Variants in SRPK2 observed in about 807,000 individuals in gnomAD.
The protein encoded by SRPK2 is SRSF protein kinase 2, also known as SFRS protein kinase 2.
Under a neutral mutation model 90.8 loss-of-function variants are expected in SRPK2, and 21 were observed. The ratio of observed to expected loss-of-function variants is 0.23; its 90% CI spans 0.16 to 0.33. The LOEUF (loss-of-function observed/expected upper bound fraction) is 0.33. SRPK2 is among the 10% of genes least tolerant of loss of function. The pLI is 1.00. For synonymous variants in SRPK2, 288 were observed against 311.1 expected, an observed-to-expected ratio of 0.93 and a Z score of 0.78; for missense variants, 620 against 869.0, an observed-to-expected ratio of 0.71 and a Z score of 3.60.
intron 2 of SRPK2, among the ~76,000 whole-genome samples, chr7:105,260,802 A>G (rs1005110560): frequency 1.5e-4 from 22 of 145,826 alleles, no homozygotes; most frequent in African/African-American, 5.5e-4. Flanking sequence ...CAAACACCAC[A>G]TGTTCTCACT....
chr7:105,168,409 T>G (rs775106185), intron 4 of SRPK2, among the ~76,000 whole-genome samples: 1 of 152,184 alleles, frequency 6.6e-6, no homozygotes, highest in African/African-American at 2.4e-5. Context: ...ATCTCCAAGA[T>G]AGGTCATTGT....
intron 2 of SRPK2, among the ~76,000 whole-genome samples, chr7:105,346,448 C>T (rs936973554): frequency 6.6e-6 from 1 of 152,072 alleles, no homozygotes; most frequent in African/African-American, 2.4e-5. Flanking sequence ...AACTGTAAGT[C>T]TCCAGCACTG....
upstream of SRPK2, among the ~76,000 whole-genome samples, chr7:105,391,183 A>AATTAATTT (rs1554534316): frequency 6.7e-6 from 1 of 148,314 alleles, no homozygotes. Context: ...ATGACTATAA[A>AATTAATTT]ATTTATTTAT....
intron 3 of SRPK2, among the ~76,000 whole-genome samples, chr7:105,171,009 GAAA>G (rs1563027437): frequency 8.1e-5 from 10 of 123,662 alleles, no homozygotes; most frequent in Non-Finnish European, 1.3e-4. Context: ...AAGAAAGAAA[GAAA>G]GAGAGGAAGG....
chr7:105,208,314 GC>G (rs1266558821), intron 2 of SRPK2, among the ~76,000 whole-genome samples: 6 of 152,008 alleles, frequency 3.9e-5, no homozygotes, highest in Admixed American at 6.6e-5. Context: ...AGAAATGAAA[GC>G]ATATATCCAG....
At chr7:105,362,163 G>T (rs577021941) in intron 2 of SRPK2, among the ~76,000 whole-genome samples, 1 of 152,124 alleles carries the variant, frequency 6.6e-6, no homozygotes, top group East Asian at 1.9e-4. Context: ...AAAAGTGGGC[G>T]AAGGATATGA....
intron 2 of SRPK2, among the ~76,000 whole-genome samples, chr7:105,279,270 T>C (rs964993617): frequency 6.7e-6 from 1 of 148,398 alleles, no homozygotes; most frequent in Non-Finnish European, 1.5e-5. Context: ...AAGGAGGTAG[T>C]CTCAGGCTGG....
chr7:105,340,728 G>A (rs1008865766), intron 2 of SRPK2, among the ~76,000 whole-genome samples: 1 of 152,060 alleles, frequency 6.6e-6, no homozygotes, highest in African/African-American at 2.4e-5. Flanking sequence ...ACATGAGTGA[G>A]CCACTGTACA....
intron 2 of SRPK2, among the ~76,000 whole-genome samples, chr7:105,261,787 G>C (rs1804330639): frequency 6.6e-6 from 1 of 152,194 alleles, no homozygotes; most frequent in Non-Finnish European, 1.5e-5. Context: ...CCAGTAAGTA[G>C]ACCAAATGTC....
chr7:105,184,949 G>A (rs1011920036), intron 3 of SRPK2, among the ~76,000 whole-genome samples: 3 of 151,804 alleles, frequency 2.0e-5, no homozygotes, highest in Admixed American at 2.0e-4. Flanking sequence ...TTGTTTCATG[G>A]GCAAAGGAGG....
At chr7:105,208,925 C>T (rs1035168453) in intron 2 of SRPK2, among the ~76,000 whole-genome samples, 2 of 151,974 alleles carry the variant, frequency 1.3e-5, no homozygotes, top group African/African-American at 4.8e-5. Context: ...AGTTTGAGGC[C>T]AGCCTGGGCA....
At chr7:105,126,186 T>A in intron 15 of SRPK2, 62 bp downstream of exon 15, 1 of 1,321,078 alleles carries the variant, frequency 7.6e-7, no homozygotes, top group Non-Finnish European at 1.1e-6. Context: ...AATGCTAAAA[T>A]CAGCAGCTGC....
At chr7:105,202,423 T>G (rs1218764699) in intron 3 of SRPK2, among the ~76,000 whole-genome samples, 1 of 152,196 alleles carries the variant, frequency 6.6e-6, no homozygotes, top group African/African-American at 2.4e-5. Context: ...GCAAATAAAT[T>G]CATCTCACCA....
At chr7:105,188,590 T>C (rs540255507) in intron 3 of SRPK2, among the ~76,000 whole-genome samples, 1 of 152,342 alleles carries the variant, frequency 6.6e-6, no homozygotes, top group South Asian at 2.1e-4. Context: ...CAACAAAATC[T>C]GGAACTCCAT....
At chr7:105,324,354 G>A (rs941115581) in intron 2 of SRPK2, among the ~76,000 whole-genome samples, 3 of 141,810 alleles carry the variant, frequency 2.1e-5, no homozygotes, top group East Asian at 4.4e-4. Flanking sequence ...ATGGAGTCTC[G>A]CCCTGTCGCC....
At chr7:105,205,571 C>T (rs1018764949) in intron 2 of SRPK2, among the ~76,000 whole-genome samples, 1 of 125,862 alleles carries the variant, frequency 7.9e-6, no homozygotes, top group East Asian at 2.7e-4. Context: ...ACACACACAC[C>T]ACTTCCAGAA....
intron 2 of SRPK2, among the ~76,000 whole-genome samples, chr7:105,298,131 T>C (rs981054915): frequency 6.6e-6 from 1 of 152,182 alleles, no homozygotes; most frequent in South Asian, 2.1e-4. Flanking sequence ...AACCAAAATA[T>C]AGAAGAGTTC....
intron 14 of SRPK2, among the ~76,000 whole-genome samples, chr7:105,126,563 C>A (rs1348595449): frequency 1.3e-5 from 2 of 152,164 alleles, no homozygotes; most frequent in Admixed American, 6.5e-5. Context: ...ACCCCAGCAT[C>A]GCAAGCAAAT....
At chr7:105,130,323 G>C (rs1255211058) in intron 13 of SRPK2, among the ~76,000 whole-genome samples, 1 of 152,098 alleles carries the variant, frequency 6.6e-6, no homozygotes, top group Non-Finnish European at 1.5e-5. Flanking sequence ...GACCAGGGCG[G>C]GTGGATCACT....
Sources: gnomAD v4.1 joint callset for allele counts (sites outside exome capture counted in the v4.1 genomes callset) on GRCh38, gnomAD v4.1.1 for gene constraint, MANE v1.5 for transcripts, NCBI Gene and HGNC (gene_info 2026-07-23, HGNC 2026-07-21) for gene names.